C8orf89: variants seen among roughly 807,000 people sequenced by gnomAD.
The protein encoded by C8orf89 is chromosome 8 open reading frame 89.
A neutral mutation model predicts 15.8 loss-of-function variants in C8orf89; 14 were observed. The ratio of observed to expected loss-of-function variants is 0.89; its 90% CI spans 0.59 to 1.39. C8orf89 has a LOEUF of 1.39. Ranked by LOEUF, C8orf89 falls within the 40% of genes most tolerant of loss-of-function variation. C8orf89 has a pLI of 0.00. For synonymous variants in C8orf89, 55 were observed against 62.2 expected (o/e 0.88, Z 0.54); for missense variants, 181 against 184.5 (o/e 0.98, Z 0.11).
At chr8:73,278,978 A>G in the C8orf89 span, among the ~76,000 whole-genome samples, 2 of 152,194 alleles carry the variant, frequency 1.3e-5, no homozygotes, top group African/African-American at 2.4e-5. Flanking sequence ...CTGTTAATTA[A>G]AAGGACAATT....
chr8:73,243,220 G>C (rs922701948), intron 3 of C8orf89, among the ~76,000 whole-genome samples: 1 of 152,080 alleles, frequency 6.6e-6, no homozygotes, highest in Admixed American at 6.5e-5. Flanking sequence ...AAAATACAAA[G>C]AATGAATAAG....
chr8:73,256,907 T>C, intron 2 of C8orf89, 66 bp downstream of exon 2: 8 of 1,089,926 alleles, frequency 7.3e-6, no homozygotes, highest in Non-Finnish European at 9.7e-6. Flanking sequence ...CAGAAAAACC[T>C]CTACATTCAG....
the C8orf89 span, among the ~76,000 whole-genome samples, chr8:73,283,996 C>T: frequency 2.0e-5 from 3 of 150,978 alleles, no homozygotes; most frequent in South Asian, 2.1e-4. Flanking sequence ...AAGCCAGGAC[C>T]GCGCCATGGC....
At chr8:73,264,002 A>T (rs1030763746), upstream of C8orf89, among the ~76,000 whole-genome samples, 2 of 151,836 alleles carry the variant, frequency 1.3e-5, no homozygotes, top group Admixed American at 6.6e-5. Flanking sequence ...TATTTAATAT[A>T]TACATTATTG....
the C8orf89 span, among the ~76,000 whole-genome samples, chr8:73,282,051 A>C: frequency 6.6e-6 from 1 of 152,240 alleles, no homozygotes; most frequent in South Asian, 2.1e-4. Context: ...TTTCTATGTT[A>C]AATCAAGAAA....
At chr8:73,277,646 G>T in the C8orf89 span, 1 of 758,046 alleles carries the variant, frequency 1.3e-6, no homozygotes, top group Non-Finnish European at 2.5e-6. Flanking sequence ...TTTTCATCCA[G>T]GAAGGTTTCT....
At chr8:73,269,651 T>C in the C8orf89 span, among the ~76,000 whole-genome samples, 1 of 152,186 alleles carries the variant, frequency 6.6e-6, no homozygotes, top group African/African-American at 2.4e-5. Flanking sequence ...ATTTAAGCAA[T>C]CATCTATTCA....
intron 3 of C8orf89, among the ~76,000 whole-genome samples, chr8:73,244,129 G>C (rs1288469774): frequency 6.6e-6 from 1 of 152,122 alleles, no homozygotes; most frequent in Non-Finnish European, 1.5e-5. Flanking sequence ...TAAATGCTAA[G>C]TGAAGTAAAA....
Position 73,255,889 on chromosome 8 carries a change from C to T in C8orf89, c.281+1084G>A, listed in dbSNP as rs1813367995. The stretch of plus-strand genomic sequence containing the variant: ...AAACCAAACACCGCATATTCTCACT[C>T]ATAGGTGGGAATTGAACAATGAGAA... On this transcript the variant is annotated intron_variant, in intron 2 of 3. Transcript: ENST00000624510. Among the ~76,000 whole-genome samples the T allele has an allele frequency of 2.7e-5, 4 of 148,680 alleles. No individual in the cohort carries two copies. The South Asian group carries it at 8.5e-4, about 32-fold the overall frequency.
chr8:73,258,962 T>C (rs1247552033), intron 1 of C8orf89, among the ~76,000 whole-genome samples: 1 of 152,194 alleles, frequency 6.6e-6, no homozygotes, highest in Non-Finnish European at 1.5e-5. Context: ...AACAGCACTG[T>C]TAAAGATTTG....
At chr8:73,246,791 C>G (rs183692896) in intron 3 of C8orf89, among the ~76,000 whole-genome samples, 6 of 152,284 alleles carry the variant, frequency 3.9e-5, no homozygotes, top group African/African-American at 1.2e-4. Flanking sequence ...AGGAAAAGTT[C>G]ATGAACATTT....
the C8orf89 span, among the ~76,000 whole-genome samples, chr8:73,280,010 T>G: frequency 1.3e-5 from 2 of 152,226 alleles, no homozygotes; most frequent in Non-Finnish European, 2.9e-5. Context: ...CTGTCTCTGC[T>G]GTGCACTGTC....
At chr8:73,256,852 T>TAAAAAAA in intron 2 of C8orf89, 121 bp downstream of exon 2, 1 of 461,004 alleles carries the variant, frequency 2.2e-6, no homozygotes, top group Non-Finnish European at 3.4e-6. Context: ...ATCCTTTATG[T>TAAAAAAA]AAAAAAAAAA....
At chr8:73,265,167 T>C in the C8orf89 span, among the ~76,000 whole-genome samples, 3 of 152,250 alleles carry the variant, frequency 2.0e-5, no homozygotes, top group Non-Finnish European at 4.4e-5. Flanking sequence ...TTGGATACTT[T>C]GGATTAAATA....
chr8:73,277,322 G>T, the C8orf89 span: 1 of 667,288 alleles, frequency 1.5e-6, no homozygotes, highest in Non-Finnish European at 2.6e-6. Flanking sequence ...GCAGATGAAT[G>T]CCCCTGGTTA....
At chr8:73,282,872 TGA>T in the C8orf89 span, among the ~76,000 whole-genome samples, 1 of 152,176 alleles carries the variant, frequency 6.6e-6, no homozygotes, top group African/African-American at 2.4e-5. Flanking sequence ...TTGAGGTGAC[TGA>T]GAATTATGGA....
At position 73,246,747 on chromosome 8, in the gene C8orf89, T is replaced by C. The variant is rs769801246; in HGVS notation, c.337+3521A>G. Among the ~76,000 whole-genome samples the C allele has an allele frequency of 5.3e-5, 8 of 152,218 alleles. 1 individual carries two copies. The South Asian group carries it at 6.2e-4, about 12-fold the overall frequency. On this transcript the variant is annotated intron_variant, in intron 3 of 3. Transcript: ENST00000624510. ...CTGTCTGTTGATTACAGAAATTGTT[T>C]TAGTATATGAAATTAAGAGAGAGAA...
the C8orf89 span, among the ~76,000 whole-genome samples, chr8:73,280,700 CATATACATATAT>C: frequency 6.9e-6 from 1 of 144,618 alleles, no homozygotes; most frequent in Non-Finnish European, 1.6e-5. Context: ...TATACACATA[CATATACATATAT>C]ATATACACAT....
chr8:73,256,146 A>G (rs2130280347), intron 2 of C8orf89, among the ~76,000 whole-genome samples: 1 of 150,086 alleles, frequency 6.7e-6, no homozygotes, highest in South Asian at 2.1e-4. Flanking sequence ...TAATAATAAT[A>G]ATAATAATAA....
Sources: allele counts gnomAD v4.1 joint callset (sites outside exome capture counted in the v4.1 genomes callset), GRCh38; gene constraint gnomAD v4.1.1; transcripts MANE v1.5; gene names NCBI Gene and HGNC (gene_info 2026-07-23, HGNC 2026-07-21).